Variants in DOP1B observed in about 807,000 individuals in gnomAD.
DOP1B encodes the protein DOP1 leucine zipper like protein B.
A neutral mutation model predicts 233.5 loss-of-function variants in DOP1B; 174 were observed. The ratio of observed to expected loss-of-function variants is 0.75; its 90% CI spans 0.66 to 0.85. The LOEUF is 0.85. Among genes scored for constraint, DOP1B ranks in the 40% least tolerant of loss-of-function variants. The probability of loss-of-function intolerance (pLI) is 0.00; values close to 1 mark genes in which losing one functional copy is unlikely to be tolerated. For synonymous variants in DOP1B, 1,190 were observed against 1,185.6 expected (o/e 1.00, Z -0.08); for missense variants, 2,652 against 2,846.6 (o/e 0.93, Z 1.56).
chr21:36,251,401 T>A, intron 22 of DOP1B, 117 bp downstream of exon 22: 1 of 1,348,422 alleles, frequency 7.4e-7, no homozygotes, highest in South Asian at 1.6e-5. Flanking sequence ...TGAGTTGATT[T>A]AATCATTTTA....
chr21:36,199,113 T>C lies in DOP1B; in HGVS notation c.182T>C (p.Leu61Pro), dbSNP rs1259987273. 1 of 1,614,036 alleles carries C rather than the reference T, an allele frequency of 6.2e-7. No homozygotes were observed. Residue 61 changes from leucine (L) to proline (P), a missense_variant, in exon 3 of 37, where the codon CTC becomes CCC. Coordinates refer to ENST00000691173, the MANE Select transcript of DOP1B (RefSeq NM_001320714.2). The part of the protein sequence containing the change: ...NLRYSLLPRR[L>P]LISKRLAQCL... ...AGGTACTCCTTGTTGCCAAGACGGC[T>C]CCTCATCAGCAAAAGATTAGCTCAG... is the stretch of plus-strand genomic sequence containing the variant.
chr21:36,233,092 A>G lies in DOP1B; in HGVS notation c.2622+17A>G, dbSNP rs762670283. The G allele has an allele frequency of 8.1e-6, 13 of 1,612,328 alleles. No homozygotes were observed. The highest frequency in any genetic ancestry group is 1.0e-5 in the Non-Finnish European group (12 of 1,179,184). ...TTCTATCAGGTATTTCCCACTGGGA[A>G]CACTCTTCTTATGGCCTCCTTCTCC... On this transcript the variant is annotated intron_variant, in intron 15 of 36. Coordinates refer to ENST00000691173, the MANE Select transcript of DOP1B (RefSeq NM_001320714.2).
intron 32 of DOP1B, among the ~76,000 whole-genome samples, chr21:36,283,113 C>T (rs1358591509): frequency 6.6e-6 from 1 of 151,052 alleles, no homozygotes; most frequent in African/African-American, 2.4e-5. Flanking sequence ...CCAGGGTCTC[C>T]CTCTGTCACC....
chr21:36,167,960 T>TTC (rs1568996202), intron 2 of DOP1B, among the ~76,000 whole-genome samples: 1 of 122,872 alleles, frequency 8.1e-6, no homozygotes, highest in African/African-American at 3.3e-5. Context: ...TTTTTTTTTT[T>TTC]CGAGATGGAA....
At chr21:36,285,431 G>A (rs1569071803) in intron 32 of DOP1B, among the ~76,000 whole-genome samples, 1 of 152,112 alleles carries the variant, frequency 6.6e-6, no homozygotes, top group African/African-American at 2.4e-5. Context: ...AAAATACTAC[G>A]TGTTTTTAAA....
intron 2 of DOP1B, among the ~76,000 whole-genome samples, chr21:36,172,783 G>C (rs756805332): frequency 6.6e-6 from 1 of 151,746 alleles, no homozygotes; most frequent in Non-Finnish European, 1.5e-5. Flanking sequence ...TTTGGTGATC[G>C]TCACATTTCT....
chr21:36,267,492 T>C (rs1367266056), intron 26 of DOP1B, among the ~76,000 whole-genome samples: 1 of 152,166 alleles, frequency 6.6e-6, no homozygotes, highest in African/African-American at 2.4e-5. Flanking sequence ...GTCTGCAGCC[T>C]GGGCAACATA....
chr21:36,244,970 A>G lies in DOP1B; in HGVS notation c.3068-78A>G, dbSNP rs536046558. The G allele has an allele frequency of 1.8e-5, 26 of 1,434,318 alleles. No homozygotes were observed. The South Asian group carries it at 3.0e-4, about 17-fold the overall frequency. The allele number at this position is 1,434,318 out of a possible 1,614,324, so 88.8% of individuals were successfully genotyped here. A position where few individuals can be genotyped will look rare whatever the true frequency, so the allele number is the denominator to read the frequency against. ...ATATTGATCTTTCTGTCTGGCTTTA[A>G]GACAAAGACCGCCCTACAGCTAATG... On this transcript the variant is annotated intron_variant, in intron 18 of 36. Transcript: ENST00000691173.
At chr21:36,260,068 A>G (rs375613381) in intron 23 of DOP1B, among the ~76,000 whole-genome samples, 1 of 151,592 alleles carries the variant, frequency 6.6e-6, no homozygotes, top group Non-Finnish European at 1.5e-5. Context: ...AGGCACGAGG[A>G]TCGCTTGAAC....
intron 15 of DOP1B, among the ~76,000 whole-genome samples, chr21:36,235,652 A>C (rs1386255522): frequency 6.6e-6 from 1 of 152,030 alleles, no homozygotes; most frequent in East Asian, 1.9e-4. Flanking sequence ...CACTTGAGCC[A>C]AGGAGGCAGA....
At chr21:36,262,213 G>A (rs2284636) in intron 24 of DOP1B, among the ~76,000 whole-genome samples, 89,212 of 152,024 alleles carry the variant, frequency 0.59, 26,613 homozygotes, top group African/African-American at 0.69. Flanking sequence ...CTTCCCTCCT[G>A]TGACAGCGAA....
intron 13 of DOP1B, among the ~76,000 whole-genome samples, chr21:36,229,433 T>C (rs13048745): frequency 0.18 from 27,544 of 152,050 alleles, 2,628 homozygotes; most frequent in East Asian, 0.3. Context: ...TTCACTTGGC[T>C]GTCAACCTGT....
At chr21:36,196,315 G>A (rs767351846) in intron 2 of DOP1B, among the ~76,000 whole-genome samples, 7 of 152,328 alleles carry the variant, frequency 4.6e-5, no homozygotes, top group African/African-American at 7.2e-5. Context: ...CATGGGAGTC[G>A]TGGAAATGTT....
intron 2 of DOP1B, among the ~76,000 whole-genome samples, chr21:36,175,066 A>G (rs191420146): frequency 2.1e-4 from 32 of 151,270 alleles, no homozygotes; most frequent in Non-Finnish European, 4.3e-4. Context: ...CTGGGTCCTC[A>G]CAGGATCATC....
At chr21:36,185,983 A>G (rs1470943716) in intron 2 of DOP1B, among the ~76,000 whole-genome samples, 1 of 152,144 alleles carries the variant, frequency 6.6e-6, no homozygotes, top group Non-Finnish European at 1.5e-5. Flanking sequence ...CAGGTGGATC[A>G]CTTGAGGTCA....
rs759803688 is a variant in DOP1B at position 36,214,532 on chromosome 21, A to G, written c.1105A>G (p.Ser369Gly). 6.2e-7 allele frequency: 1 copy of G among 1,614,038 alleles called. No individual in the cohort carries two copies. Among genetic ancestry groups the G allele is most frequent in the South Asian group, 1.1e-5 (1 of 91,062 alleles). Reference protein sequence around the residue: ...AYLKPFRVLISLLDKPEIGPQ... With the variant: ...AYLKPFRVLIGLLDKPEIGPQ... ...CCTGAAGCCTTTTCGCGTCCTCATC[A>G]GTCTGCTTGACAAGCCAGAAATAGG... Residue 369 changes from serine (S) to glycine (G), a missense_variant, in exon 9 of 37, where the codon AGT becomes GGT. Transcript: ENST00000691173.
Position 36,246,717 on chromosome 21 carries a change from A to T in DOP1B, c.4697+40A>T. 1 of 1,566,390 alleles carries T rather than the reference A, an allele frequency of 6.4e-7. No homozygotes were observed. The highest frequency in any genetic ancestry group is 8.7e-7 in the Non-Finnish European group (1 of 1,151,530). On this transcript the variant is annotated intron_variant, in intron 19 of 36. Transcript: ENST00000691173. This position sits in a 1 kb window ranked among gnomAD's most constrained non-coding sequence, Gnocchi z 5.1. ...TTGTGACATCTTTATTGCTTTAGTG[A>T]TGGTTTTTATAACGAATGACTGTTT...
intron 2 of DOP1B, among the ~76,000 whole-genome samples, chr21:36,176,087 G>GGTGTGTGTGT (rs1032491278): frequency 9.1e-4 from 88 of 96,594 alleles, no homozygotes; most frequent in African/African-American, 2.9e-3. Context: ...TCGACTTTGG[G>GGTGTGTGTGT]GTGTGTGTGC....
Position 36,292,319 on chromosome 21 carries a change from C to T in DOP1B, c.6645+86C>T, listed in dbSNP as rs1013857327. On this transcript the variant is annotated intron_variant, in intron 36 of 36. Coordinates refer to ENST00000691173, the MANE Select transcript of DOP1B (RefSeq NM_001320714.2). ...CCACCCAGGTTAGAGTGCAGTGGTG[C>T]GGTCTTCGCTTACTGCAGCCTCCAC... 67 of 1,117,358 alleles carry T rather than the reference C, an allele frequency of 6.0e-5. 1 individual carries two copies. The South Asian group carries it at 8.8e-4, about 15-fold the overall frequency. The allele number at this position is 1,117,358 out of a possible 1,614,324, so 69.2% of individuals were successfully genotyped here.
Sources: allele counts gnomAD v4.1 joint callset (sites outside exome capture counted in the v4.1 genomes callset), GRCh38; gene constraint gnomAD v4.1.1; non-coding constraint Gnocchi (gnomAD v3.1); transcripts MANE v1.5; gene names NCBI Gene and HGNC (gene_info 2026-07-23, HGNC 2026-07-21).